Variants in KCNMB2 observed in about 807,000 individuals in gnomAD.
KCNMB2 encodes the protein calcium-activated potassium channel subunit beta-2.
Under a neutral mutation model 24.5 loss-of-function variants are expected in KCNMB2, and 9 were observed. The ratio of observed to expected loss-of-function variants is 0.37; its 90% CI spans 0.22 to 0.64. The LOEUF (loss-of-function observed/expected upper bound fraction) is 0.64. KCNMB2 is among the 30% of genes least tolerant of loss of function. The probability of loss-of-function intolerance (pLI) is 0.63; values close to 1 mark genes in which losing one functional copy is unlikely to be tolerated. For missense variants in KCNMB2, 226 were observed against 284.3 expected, an observed-to-expected ratio of 0.79 and a Z score of 1.47; for synonymous variants, 109 against 104.4, an observed-to-expected ratio of 1.04 and a Z score of -0.27.
At chr3:178,836,689 A>AT (rs1262656059) in intron 4 of KCNMB2, among the ~76,000 whole-genome samples, 3 of 152,078 alleles carry the variant, frequency 2.0e-5, no homozygotes, top group Admixed American at 2.0e-4. Flanking sequence ...ATATTAACAT[A>AT]TTTTTTATCA....
intron 1 of KCNMB2, among the ~76,000 whole-genome samples, chr3:178,641,767 T>C (rs1719737072): frequency 6.6e-6 from 1 of 152,168 alleles, no homozygotes; most frequent in Non-Finnish European, 1.5e-5. Context: ...TCTCTTTCTC[T>C]TTAACATCAT....
Position 178,776,750 on chromosome 3 carries a change from G to A in KCNMB2, c.-67-30593G>A, listed in dbSNP as rs187400936. ...ATAAATAAAAGGAGGTGATAGTTTT[G>A]CCATCCTCAGAAGTAATTAGATGAC... On this transcript the variant is annotated intron_variant, in intron 1 of 4. Coordinates refer to ENST00000452583, the MANE Select transcript of KCNMB2 (RefSeq NM_181361.3). Among the ~76,000 whole-genome samples the A allele has an allele frequency of 3.9e-5, 6 of 152,158 alleles. No individual in the cohort carries two copies. In the East Asian group the frequency reaches 9.7e-4, roughly 25 times the overall value.
At chr3:178,700,230 T>C (rs891980789) in intron 1 of KCNMB2, among the ~76,000 whole-genome samples, 8 of 152,250 alleles carry the variant, frequency 5.3e-5, no homozygotes, top group Non-Finnish European at 1.2e-4. Context: ...TGCTTATGGA[T>C]ACTAAACTAG....
chr3:178,721,596 G>A (rs1402767768), intron 1 of KCNMB2, among the ~76,000 whole-genome samples: 2 of 152,142 alleles, frequency 1.3e-5, no homozygotes, highest in African/African-American at 2.4e-5. Flanking sequence ...ACCCCAGAGC[G>A]CAATTACTGG....
At chr3:178,613,419 A>G (rs934044956) in intron 1 of KCNMB2, among the ~76,000 whole-genome samples, 12 of 152,214 alleles carry the variant, frequency 7.9e-5, no homozygotes, top group Admixed American at 2.6e-4. Flanking sequence ...ACTTACTATT[A>G]CCAGTAAGGT....
At chr3:178,569,898 T>C (rs574445196) in intron 1 of KCNMB2, among the ~76,000 whole-genome samples, 15 of 152,312 alleles carry the variant, frequency 9.8e-5, no homozygotes, top group Middle Eastern at 3.4e-3. Context: ...TGCCTTTTTT[T>C]CCCTGATTTA....
Position 178,736,491 on chromosome 3 carries a change from G to A in KCNMB2, c.-67-70852G>A, listed in dbSNP as rs544815288. Among the ~76,000 whole-genome samples the A allele has an allele frequency of 5.3e-5, 8 of 152,310 alleles. No homozygotes were observed. In the East Asian group the frequency reaches 1.5e-3, roughly 29 times the overall value. ...TTTCACTCTGCAGCTAAAGAGGAATGTCTAGGACTAAGCCCCACAAGCTAT... is the reference window on the plus strand; with the variant it reads ...TTTCACTCTGCAGCTAAAGAGGAATATCTAGGACTAAGCCCCACAAGCTAT... On this transcript the variant is annotated intron_variant, in intron 1 of 4. Coordinates refer to ENST00000452583, the MANE Select transcript of KCNMB2 (RefSeq NM_181361.3).
At chr3:178,830,335 CTGTT>C (rs1715007279) in intron 4 of KCNMB2, among the ~76,000 whole-genome samples, 1 of 151,936 alleles carries the variant, frequency 6.6e-6, no homozygotes, top group Non-Finnish European at 1.5e-5. Context: ...ATGAGTATGT[CTGTT>C]TATTTATTCA....
intron 1 of KCNMB2, among the ~76,000 whole-genome samples, chr3:178,701,487 C>A (rs1426524075): frequency 4.6e-5 from 7 of 151,944 alleles, no homozygotes; most frequent in Non-Finnish European, 1.0e-4. Context: ...TTTTCCAATT[C>A]TGTGAAGAAA....
At chr3:178,735,410 T>C (rs2108371479) in intron 1 of KCNMB2, among the ~76,000 whole-genome samples, 1 of 152,318 alleles carries the variant, frequency 6.6e-6, no homozygotes, top group Middle Eastern at 3.4e-3. Flanking sequence ...TTTCTACCTA[T>C]AAATAGAGCA....
intron 1 of KCNMB2, among the ~76,000 whole-genome samples, chr3:178,658,505 A>C (rs1399994043): frequency 2.0e-5 from 3 of 152,206 alleles, no homozygotes; most frequent in African/African-American, 7.2e-5. Flanking sequence ...AATTACTCCA[A>C]GAAGCTTTTT....
intron 1 of KCNMB2, among the ~76,000 whole-genome samples, chr3:178,603,929 G>A (rs1345943453): frequency 1.3e-5 from 2 of 152,180 alleles, no homozygotes; most frequent in Non-Finnish European, 2.9e-5. Context: ...CAGTGACACA[G>A]TTCAAAGCCC....
rs1170313830 is a variant in KCNMB2 at position 178,843,029 on chromosome 3, CTGTTA to C, written c.*95_*99del. 8.8e-6 allele frequency: 9 copies of C among 1,027,064 alleles called. No homozygotes were observed. Among genetic ancestry groups the C allele is most frequent in the South Asian group, 3.2e-5 (2 of 63,288 alleles). The allele number at this position is 1,027,064 out of a possible 1,614,324, so 63.6% of individuals were successfully genotyped here. On this transcript the variant is annotated 3_prime_UTR_variant, in exon 5 of 5. Transcript: ENST00000452583. Reference sequence around the variant, plus strand: ...GAACCTTAAGTTTGTAACGTGCAGTCTGTTATGAGTTCCCTAATATATTCTTATAT... The same window carrying C: ...GAACCTTAAGTTTGTAACGTGCAGTCTGAGTTCCCTAATATATTCTTATAT...
chr3:178,690,320 C>CAA (rs1019940102), intron 1 of KCNMB2, among the ~76,000 whole-genome samples: 1 of 143,762 alleles, frequency 7.0e-6, no homozygotes, highest in African/African-American at 2.5e-5. Context: ...AGTGCTAGGG[C>CAA]AAAAAAAAAA....
intron 1 of KCNMB2, among the ~76,000 whole-genome samples, chr3:178,606,361 A>AG (rs1033109069): frequency 1.3e-5 from 2 of 152,164 alleles, no homozygotes; most frequent in Admixed American, 6.5e-5. Flanking sequence ...GTGGACCTAG[A>AG]GGGCAGAGCC....
At chr3:178,814,868 T>C (rs537237607) in intron 2 of KCNMB2, among the ~76,000 whole-genome samples, 1 of 152,326 alleles carries the variant, frequency 6.6e-6, no homozygotes, top group South Asian at 2.1e-4. Context: ...TTCTGGATAT[T>C]AGTCCTTTGT....
intron 4 of KCNMB2, among the ~76,000 whole-genome samples, chr3:178,842,063 A>G (rs999017999): frequency 9.9e-5 from 15 of 152,214 alleles, no homozygotes; most frequent in African/African-American, 2.2e-4. Context: ...TCTTTATTCA[A>G]TATTCCTACA....
chr3:178,654,388 G>A (rs1720244951), intron 1 of KCNMB2, among the ~76,000 whole-genome samples: 1 of 152,004 alleles, frequency 6.6e-6, no homozygotes, highest in Non-Finnish European at 1.5e-5. Flanking sequence ...ATATTTACAG[G>A]AAAATTTACA....
At chr3:178,560,561 A>T (rs1187195052) in intron 1 of KCNMB2, among the ~76,000 whole-genome samples, 1 of 152,214 alleles carries the variant, frequency 6.6e-6, no homozygotes, top group Non-Finnish European at 1.5e-5. Context: ...CACCTAGATC[A>T]ATCAACCAGT....
Sources: allele counts gnomAD v4.1 joint callset (sites outside exome capture counted in the v4.1 genomes callset), GRCh38; gene constraint gnomAD v4.1.1; transcripts MANE v1.5; gene names NCBI Gene and HGNC (gene_info 2026-07-23, HGNC 2026-07-21).